The following SH3PXD2A variants were observed in gnomAD, a reference collection of about 807,000 sequenced individuals.
SH3PXD2A encodes SH3 and PX domains 2A.
A neutral mutation model predicts 115.2 loss-of-function variants in SH3PXD2A; 32 were observed. The ratio of observed to expected loss-of-function variants is 0.28; its 90% CI spans 0.21 to 0.37. The LOEUF is 0.37. SH3PXD2A is among the 10% of genes least tolerant of loss of function. The probability of loss-of-function intolerance (pLI) is 1.00; values close to 1 mark genes in which losing one functional copy is unlikely to be tolerated. For missense variants in SH3PXD2A, 1,328 were observed against 1,498.7 expected, an observed-to-expected ratio of 0.89 and a Z score of 1.88; for synonymous variants, 610 against 629.1, an observed-to-expected ratio of 0.97 and a Z score of 0.45.
chr10:103,848,947 T>C (rs1016040037), intron 1 of SH3PXD2A, among the ~76,000 whole-genome samples: 1 of 100,070 alleles, frequency 1.0e-5, no homozygotes, highest in Non-Finnish European at 1.9e-5. Context: ...CCCCATATAT[T>C]CTTTTTTTTT....
At chr10:103,760,265 G>A (rs1320002688) in intron 3 of SH3PXD2A, among the ~76,000 whole-genome samples, 1 of 152,132 alleles carries the variant, frequency 6.6e-6, no homozygotes, top group Non-Finnish European at 1.5e-5. Context: ...AAGTCCCAAA[G>A]TATAAAAATA....
intron 8 of SH3PXD2A, among the ~76,000 whole-genome samples, chr10:103,637,078 G>A (rs1169646383): frequency 2.6e-5 from 4 of 152,188 alleles, no homozygotes; most frequent in Admixed American, 6.5e-5. Context: ...CACCTGGTAC[G>A]GGCCAGGTCC....
intron 5 of SH3PXD2A, among the ~76,000 whole-genome samples, chr10:103,695,678 T>G (rs1432740844): frequency 6.6e-6 from 1 of 152,182 alleles, no homozygotes; most frequent in Non-Finnish European, 1.5e-5. Flanking sequence ...CTGCATGGTC[T>G]GCATCTCCAA....
chr10:103,657,560 G>A (rs1003895852), intron 8 of SH3PXD2A, among the ~76,000 whole-genome samples: 2 of 152,206 alleles, frequency 1.3e-5, no homozygotes, highest in African/African-American at 4.8e-5. Flanking sequence ...CCTGCTCTAT[G>A]TGTCCCTGTA....
chr10:103,767,403 A>T, intron 2 of SH3PXD2A, among the ~76,000 whole-genome samples: 3 of 152,142 alleles, frequency 2.0e-5, no homozygotes, highest in Admixed American at 2.0e-4. Context: ...AGCGGGTAGG[A>T]GTGCAGGGGA....
At position 103,604,096 on chromosome 10, in the gene SH3PXD2A, C is replaced by T. The variant is rs138644969; in HGVS notation, c.1429-307G>A. ...TGCCTCCCCCTAAACTGCACTGTTCCCAGTCCCTACAATCCTGCCAGTAGA... is the reference window on the plus strand; with the variant it reads ...TGCCTCCCCCTAAACTGCACTGTTCTCAGTCCCTACAATCCTGCCAGTAGA... On this transcript the variant is annotated intron_variant, in intron 14 of 14. Transcript: ENST00000369774. Among the ~76,000 whole-genome samples, 200 of 152,306 alleles carry T rather than the reference C, an allele frequency of 1.3e-3. 1 individual carries two copies. The highest frequency in any genetic ancestry group is 4.1e-3 in the African/African-American group (171 of 41,556).
intron 1 of SH3PXD2A, among the ~76,000 whole-genome samples, chr10:103,813,581 G>T (rs4917401): frequency 0.55 from 84,102 of 152,092 alleles, 24,726 homozygotes; most frequent in South Asian, 0.7. Flanking sequence ...GCCTCCCAAA[G>T]TACTGGGATT....
chr10:103,746,376 G>C lies in SH3PXD2A; in HGVS notation c.230-10568C>G, dbSNP rs1216266168. Among the ~76,000 whole-genome samples the C allele has an allele frequency of 6.6e-6, 1 of 152,150 alleles. No individual in the cohort carries two copies. Among genetic ancestry groups the C allele is most frequent in the Non-Finnish European group, 1.5e-5 (1 of 68,026 alleles). On this transcript the variant is annotated intron_variant, in intron 3 of 14. Transcript: ENST00000369774. The surrounding 1 kb of genome is among the most constrained non-coding windows in gnomAD (Gnocchi z 4.4). Reference sequence around the variant, plus strand: ...GCTCTGTTGCCCAGCCTGGAGTGCAGGGGAGTGATCTCGGCTCACTGCAAT... The same window carrying C: ...GCTCTGTTGCCCAGCCTGGAGTGCACGGGAGTGATCTCGGCTCACTGCAAT...
In SH3PXD2A at chr10:103,602,206, CGTGA is replaced by C. The variant is rs2036226640; in HGVS notation, c.3008_3011del (p.Leu1003ArgfsTer114). On this transcript the variant is annotated frameshift_variant, in exon 15 of 15. Transcript: ENST00000369774. LOFTEE classifies it high-confidence loss of function. ...GGACGCCTCGGAGGCCATCAGTGGC[CGTGA>C]GTGACTCATTCCTCCGCAGGGCGCA... The C allele has an allele frequency of 6.3e-7, 1 of 1,586,610 alleles. No homozygotes were observed. Among genetic ancestry groups the C allele is most frequent in the Non-Finnish European group, 8.6e-7 (1 of 1,164,568 alleles).
At chr10:103,821,944 C>T (rs972613842) in intron 1 of SH3PXD2A, among the ~76,000 whole-genome samples, 1 of 151,912 alleles carries the variant, frequency 6.6e-6, no homozygotes, top group Non-Finnish European at 1.5e-5. Flanking sequence ...TGCTCTGTCA[C>T]CCAGGCTGGA....
chr10:103,613,036 T>C lies in SH3PXD2A; in HGVS notation c.1075A>G (p.Lys359Glu), dbSNP rs1304308845. ...NLLNKKASGD[K>E]ETPPAEGEGH... ...TCGCCTTCGGCTGGTGGAGTTTCCTTGTCCCCAGACGCCTTCTTGTTCAGC... is the reference window on the plus strand; with the variant it reads ...TCGCCTTCGGCTGGTGGAGTTTCCTCGTCCCCAGACGCCTTCTTGTTCAGC... Residue 359 changes from lysine to glutamate, a missense_variant, in exon 12 of 15, where the codon AAG becomes GAG. By Grantham distance (56) the Lys-to-Glu change is moderately conservative. Transcript: ENST00000369774. 2 of 1,614,258 alleles carry C rather than the reference T, an allele frequency of 1.2e-6. No homozygotes were observed. Among genetic ancestry groups the C allele is most frequent in the Admixed American group, 3.3e-5 (2 of 60,036 alleles).
chr10:103,615,682 G>T (rs1383506454), intron 11 of SH3PXD2A, among the ~76,000 whole-genome samples: 1 of 152,130 alleles, frequency 6.6e-6, no homozygotes, highest in Non-Finnish European at 1.5e-5. Flanking sequence ...CCTGCTGGCT[G>T]TAAGACTAGG....
intron 1 of SH3PXD2A, among the ~76,000 whole-genome samples, chr10:103,803,330 T>C (rs2039165504): frequency 6.6e-6 from 1 of 152,186 alleles, no homozygotes; most frequent in Non-Finnish European, 1.5e-5. Flanking sequence ...TTATAATAAA[T>C]GGGGGTATGC....
intron 1 of SH3PXD2A, among the ~76,000 whole-genome samples, chr10:103,820,605 C>T (rs1200887196): frequency 6.6e-6 from 1 of 152,132 alleles, no homozygotes; most frequent in Non-Finnish European, 1.5e-5. Context: ...TTTGCTTGGC[C>T]AGAGCCCACC....
intron 5 of SH3PXD2A, among the ~76,000 whole-genome samples, chr10:103,718,188 C>CT (rs201212918): frequency 0.03 from 4,593 of 151,032 alleles, 183 homozygotes; most frequent in African/African-American, 0.096. Flanking sequence ...TTTCTTTTTT[C>CT]TTTTTTTTGT....
In SH3PXD2A at chr10:103,602,038, G is replaced by A; in HGVS notation, c.3180C>T (p.Pro1060=). 1 of 1,610,630 alleles carries A rather than the reference G, an allele frequency of 6.2e-7. No individual in the cohort carries two copies. The highest frequency in any genetic ancestry group is 8.5e-7 in the Non-Finnish European group (1 of 1,178,006). Residue 1060 remains proline (P), a synonymous_variant, in exon 15 of 15, where the codon CCC becomes CCT. Transcript: ENST00000369774. ...RNSIPVSPVR[P]KPIEKSQFIH... ...TGAACTGAGACTTCTCGATGGGCTTGGGGCGCACAGGGGACACGGGTATGC... is the reference window on the plus strand; with the variant it reads ...TGAACTGAGACTTCTCGATGGGCTTAGGGCGCACAGGGGACACGGGTATGC...
At chr10:103,639,929 CACTT>C (rs1308691577) in intron 8 of SH3PXD2A, among the ~76,000 whole-genome samples, 1 of 152,142 alleles carries the variant, frequency 6.6e-6, no homozygotes, top group Non-Finnish European at 1.5e-5. Context: ...CCAGTCAAGA[CACTT>C]ACATTCTCAG....
intron 2 of SH3PXD2A, among the ~76,000 whole-genome samples, chr10:103,782,533 G>GCATT (rs749465857): frequency 4.1e-4 from 63 of 152,144 alleles, no homozygotes; most frequent in Non-Finnish European, 7.8e-4. Context: ...AGCTCACTAT[G>GCATT]CATTCATTTA....
At chr10:103,783,333 A>T (rs1004467339) in intron 2 of SH3PXD2A, among the ~76,000 whole-genome samples, 1 of 152,138 alleles carries the variant, frequency 6.6e-6, no homozygotes, top group Non-Finnish European at 1.5e-5. Flanking sequence ...TGACCGTGAG[A>T]ATGTGGAGAC....
Sources: gnomAD v4.1 joint callset for allele counts (sites outside exome capture counted in the v4.1 genomes callset) on GRCh38, gnomAD v4.1.1 for gene constraint, Gnocchi (gnomAD v3.1) non-coding constraint, MANE v1.5 for transcripts, NCBI Gene and HGNC (gene_info 2026-07-23, HGNC 2026-07-21) for gene names.